The following DPYD variants were observed in gnomAD, a reference collection of about 807,000 sequenced individuals.
DPYD encodes the protein dihydropyrimidine dehydrogenase.
Under a neutral mutation model 116.2 loss-of-function variants are expected in DPYD, and 109 were observed. The observed-to-expected ratio is 0.94, with a 90% CI of 0.80 to 1.10. The LOEUF (loss-of-function observed/expected upper bound fraction) is 1.10. DPYD is among the 50% of genes least tolerant of loss of function. DPYD has a pLI of 0.00. For synonymous variants in DPYD, 440 were observed against 432.0 expected (o/e 1.02, Z -0.23); for missense variants, 1,302 against 1,254.5 (o/e 1.04, Z -0.57).
intron 12 of DPYD, among the ~76,000 whole-genome samples, chr1:97,522,964 T>C (rs1449761137): frequency 6.6e-6 from 1 of 152,182 alleles, no homozygotes; most frequent in Non-Finnish European, 1.5e-5. Context: ...TTTACCTATA[T>C]GCTATGAAAT....
intron 15 of DPYD, among the ~76,000 whole-genome samples, chr1:97,375,387 A>T (rs1671554639): frequency 6.6e-6 from 1 of 152,158 alleles, no homozygotes; most frequent in African/African-American, 2.4e-5. Flanking sequence ...GCTAGTCATT[A>T]ATCGGTTGAT....
intron 16 of DPYD, among the ~76,000 whole-genome samples, chr1:97,364,101 C>A (rs1670901516): frequency 6.6e-6 from 1 of 152,102 alleles, no homozygotes; most frequent in Non-Finnish European, 1.5e-5. Flanking sequence ...GTTATCCCTT[C>A]ATATATCAAT....
At position 97,601,342 on chromosome 1, in the gene DPYD, C is replaced by T. The variant is rs377729421; in HGVS notation, c.851-6176G>A. On this transcript the variant is annotated intron_variant, in intron 8 of 22. Coordinates refer to ENST00000370192, the MANE Select transcript of DPYD (RefSeq NM_000110.4). ...AAAAACTATGGGGGAAAAAGGCTTA[C>T]ATGATAAAGAGATTCATAATAAACA... Among the ~76,000 whole-genome samples the T allele has an allele frequency of 3.3e-5, 5 of 152,022 alleles. No individual in the cohort carries two copies. In the East Asian group the frequency reaches 7.7e-4, roughly 23 times the overall value.
intron 16 of DPYD, among the ~76,000 whole-genome samples, chr1:97,339,975 G>A (rs927964116): frequency 5.9e-5 from 9 of 152,094 alleles, no homozygotes; most frequent in African/African-American, 2.2e-4. Flanking sequence ...TGGGCAAGTA[G>A]GCTGTCTTAG....
intron 2 of DPYD, 91 bp downstream of exon 2, chr1:97,883,173 T>C (rs1672312573): frequency 3.7e-6 from 3 of 810,490 alleles, no homozygotes; most frequent in South Asian, 3.0e-5. Flanking sequence ...TGTACTTTAA[T>C]ACCTTATTTC....
chr1:97,205,125 C>T lies in DPYD; in HGVS notation c.2443-11877G>A, dbSNP rs1227301075. Among the ~76,000 whole-genome samples, 9 of 152,188 alleles carry T rather than the reference C, an allele frequency of 5.9e-5. No individual in the cohort carries two copies. The East Asian group carries it at 1.5e-3, about 26-fold the overall frequency. On this transcript the variant is annotated intron_variant, in intron 19 of 22. Coordinates refer to ENST00000370192, the MANE Select transcript of DPYD (RefSeq NM_000110.4). ...TATTAATATCTTGCATTAGATGGTA[C>T]ATCTGTTACAGTTAAAGCACCAATA...
chr1:97,557,694 C>T (rs997364403), intron 11 of DPYD, among the ~76,000 whole-genome samples: 1 of 152,178 alleles, frequency 6.6e-6, no homozygotes, highest in African/African-American at 2.4e-5. Flanking sequence ...AATATATCAA[C>T]ATCCAGTCAG....
chr1:97,117,775 A>G (rs1426737235), intron 20 of DPYD, among the ~76,000 whole-genome samples: 3 of 152,138 alleles, frequency 2.0e-5, no homozygotes, highest in Non-Finnish European at 2.9e-5. Context: ...ATAAGTTGTA[A>G]TTGTTGAAAT....
chr1:97,324,628 G>T (rs1285809095), intron 16 of DPYD, among the ~76,000 whole-genome samples: 2 of 152,036 alleles, frequency 1.3e-5, no homozygotes, highest in Non-Finnish European at 2.9e-5. Flanking sequence ...AGTTTCAGTT[G>T]TGACACTTAA....
At chr1:97,566,267 T>A (rs1490128756) in intron 11 of DPYD, among the ~76,000 whole-genome samples, 1 of 152,206 alleles carries the variant, frequency 6.6e-6, no homozygotes, top group Non-Finnish European at 1.5e-5. Context: ...CTCTTTTCAC[T>A]ACTTTATCCC....
chr1:97,920,759 G>C (rs895167324), intron 1 of DPYD, 125 bp downstream of exon 1: 10 of 1,363,924 alleles, frequency 7.3e-6, no homozygotes, highest in Admixed American at 4.0e-5. Flanking sequence ...GAGCTCCCAC[G>C]GGGGAAACTT....
chr1:97,179,745 C>T (rs1657524145), intron 20 of DPYD, among the ~76,000 whole-genome samples: 2 of 152,076 alleles, frequency 1.3e-5, no homozygotes, highest in Admixed American at 6.6e-5. Context: ...TTCTCAGACA[C>T]ATTTCGAGGG....
chr1:97,590,441 A>G (rs1654428523), intron 10 of DPYD, among the ~76,000 whole-genome samples: 1 of 152,178 alleles, frequency 6.6e-6, no homozygotes, highest in Admixed American at 6.6e-5. Flanking sequence ...TTTTATAGGT[A>G]GCACCCAAGG....
In DPYD at chr1:97,769,454, T is replaced by C. The variant is rs529510866; in HGVS notation, c.234-28975A>G. Among the ~76,000 whole-genome samples the C allele has an allele frequency of 2.6e-5, 4 of 152,300 alleles. No homozygotes were observed. In the South Asian group the frequency reaches 8.3e-4, roughly 32 times the overall value. ...ATGCTGGAAAACATTTGCCATTATA[T>C]GATTTCATTTTAAATAATTATAAGA... On this transcript the variant is annotated intron_variant, in intron 3 of 22. Coordinates refer to ENST00000370192, the MANE Select transcript of DPYD (RefSeq NM_000110.4).
intron 8 of DPYD, among the ~76,000 whole-genome samples, chr1:97,661,990 CTTTTT>C (rs374466952): frequency 3.4e-5 from 4 of 116,624 alleles, no homozygotes; most frequent in Admixed American, 9.7e-5. Flanking sequence ...TCCAAGTCAA[CTTTTT>C]TTTTTTTTTT....
chr1:97,658,226 T>A (rs951326247), intron 8 of DPYD, among the ~76,000 whole-genome samples: 6 of 152,326 alleles, frequency 3.9e-5, no homozygotes, highest in Admixed American at 3.9e-4. Context: ...TCTAAATATA[T>A]ATTTCCTAAT....
intron 16 of DPYD, among the ~76,000 whole-genome samples, chr1:97,324,553 G>A (rs1373170160): frequency 6.6e-6 from 1 of 151,986 alleles, no homozygotes; most frequent in Non-Finnish European, 1.5e-5. Flanking sequence ...TAGTTTCATG[G>A]ACTATGTGGA....
At chr1:97,537,931 G>C (rs1318491512) in intron 12 of DPYD, among the ~76,000 whole-genome samples, 1 of 152,176 alleles carries the variant, frequency 6.6e-6, no homozygotes, top group Non-Finnish European at 1.5e-5. Flanking sequence ...ACTGGGCGTG[G>C]TGGCATATGC....
chr1:97,702,880 A>T (rs1162871780), intron 5 of DPYD, among the ~76,000 whole-genome samples: 8 of 151,976 alleles, frequency 5.3e-5, no homozygotes, highest in Non-Finnish European at 7.4e-5. Context: ...GAATTATTTT[A>T]AAAAATGTTT....
Sources: allele counts gnomAD v4.1 joint callset (sites outside exome capture counted in the v4.1 genomes callset), GRCh38; gene constraint gnomAD v4.1.1; transcripts MANE v1.5; gene names NCBI Gene and HGNC (gene_info 2026-07-23, HGNC 2026-07-21).